Variants in TSPEAR observed in about 807,000 individuals in gnomAD.
The protein encoded by TSPEAR is thrombospondin type laminin G domain and EAR repeats.
TSPEAR carries 69 observed loss-of-function variants against 71.6 expected under a neutral mutation model. The observed-to-expected ratio is 0.96, with a 90% CI of 0.79 to 1.18. The LOEUF (loss-of-function observed/expected upper bound fraction) is 1.18, where lower values mean the gene tolerates loss of function less well. Ranked by LOEUF, TSPEAR falls within the 50% of genes most tolerant of loss-of-function variation. The pLI is 0.00. For synonymous variants in TSPEAR, 402 were observed against 387.2 expected (o/e 1.04, Z -0.45); for missense variants, 971 against 894.9 (o/e 1.09, Z -1.09).
chr21:44,672,043 T>G (rs1156374118), intron 1 of TSPEAR, among the ~76,000 whole-genome samples: 5 of 152,028 alleles, frequency 3.3e-5, no homozygotes, highest in African/African-American at 1.2e-4. Context: ...AAATGAATAA[T>G]TCAATACATG....
chr21:44,619,276 G>GT (rs1982300361), intron 1 of TSPEAR, among the ~76,000 whole-genome samples: 1 of 152,230 alleles, frequency 6.6e-6, no homozygotes, highest in Admixed American at 6.5e-5. Flanking sequence ...TAATAGAACA[G>GT]TGAGCACACA....
In TSPEAR at chr21:44,687,294, G is replaced by A. The variant is rs1264344017; in HGVS notation, c.82+24139C>T. ...GCTCCCAGTGACACACTGGGCGCCT[G>A]GTGATTACTCAGCTTCTGGGTGCTG... On this transcript the variant is annotated intron_variant, in intron 1 of 11. Coordinates refer to ENST00000323084, the MANE Select transcript of TSPEAR (RefSeq NM_144991.3). The surrounding 1 kb of genome is among the most constrained non-coding windows in gnomAD (Gnocchi z 4.4). Among the ~76,000 whole-genome samples the A allele has an allele frequency of 6.6e-6, 1 of 152,160 alleles. No individual in the cohort carries two copies. Among genetic ancestry groups the A allele is most frequent in the Admixed American group, 6.5e-5 (1 of 15,284 alleles).
At chr21:44,656,948 AC>A (rs1376475706) in intron 1 of TSPEAR, among the ~76,000 whole-genome samples, 2 of 151,192 alleles carry the variant, frequency 1.3e-5, no homozygotes, top group African/African-American at 2.4e-5. Context: ...CAAATCCCAG[AC>A]CCCCCCAGCA....
chr21:44,629,359 C>A (rs1983118203), intron 1 of TSPEAR, among the ~76,000 whole-genome samples: 1 of 152,152 alleles, frequency 6.6e-6, no homozygotes, highest in Admixed American at 6.5e-5. Context: ...CCAGGTGTGG[C>A]AGGGCTGGTT....
Position 44,612,171 on chromosome 21 carries a change from T to C in TSPEAR, c.83-44166A>G, listed in dbSNP as rs891109559. ...ACCATGTCTGTCTGCTCCAGTGACG[T>C]GGGCCATGTCAGCCGAGTCTCCTCC... On this transcript the variant is annotated intron_variant, in intron 1 of 11. Coordinates refer to ENST00000323084, the MANE Select transcript of TSPEAR (RefSeq NM_144991.3). This position sits in a 1 kb window ranked among gnomAD's most constrained non-coding sequence, Gnocchi z 4.1. 1.2e-5 allele frequency: 19 copies of C among 1,613,956 alleles called. No individual in the cohort carries two copies. The highest frequency in any genetic ancestry group is 4.0e-5 in the African/African-American group (3 of 74,902).
At chr21:44,568,073 A>T (rs1425766155) in intron 1 of TSPEAR, 68 bp from the exon 2 acceptor site, 1 of 1,263,144 alleles carries the variant, frequency 7.9e-7, no homozygotes, top group African/African-American at 1.5e-5. Context: ...ATAACAGCCA[A>T]CATGTATGGG....
At chr21:44,658,852 C>T (rs116756757) in intron 1 of TSPEAR, among the ~76,000 whole-genome samples, 1,592 of 152,106 alleles carry the variant, frequency 0.01, 38 homozygotes, top group African/African-American at 0.036. Flanking sequence ...CCAGATGGAG[C>T]GTGTTGGGGG....
At chr21:44,568,561 A>T (rs1394627329) in intron 1 of TSPEAR, among the ~76,000 whole-genome samples, 1 of 152,018 alleles carries the variant, frequency 6.6e-6, no homozygotes, top group Non-Finnish European at 1.5e-5. Flanking sequence ...GGAACCTGGG[A>T]TTCAAAGTTG....
Position 44,687,013 on chromosome 21 carries a change from G to C in TSPEAR, c.82+24420C>G, listed in dbSNP as rs374414990. On this transcript the variant is annotated intron_variant, in intron 1 of 11. Transcript: ENST00000323084. This position sits in a 1 kb window ranked among gnomAD's most constrained non-coding sequence, Gnocchi z 4.4. ...GTGGCTGAAGCTGCTGAGTCCAAAG[G>C]GGGTGTCTCCTTCCCAGTAGTTTCA... Among the ~76,000 whole-genome samples the C allele has an allele frequency of 9.9e-5, 15 of 152,144 alleles. No individual in the cohort carries two copies. The East Asian group carries it at 2.1e-3, about 21-fold the overall frequency.
In TSPEAR at chr21:44,567,957, G is replaced by C. The variant is rs145231394; in HGVS notation, c.131C>G (p.Ala44Gly). The stretch of plus-strand genomic sequence containing the variant: ...CTGAACTATCCTGATCCCGCTTGTG[G>C]CGCCATCAGAAGGGACCACTTCCGC... ...ILAEVVPSDG[A>G]TSGIRIVQVH... is the part of the protein sequence containing the mutation. The change falls in exon 2 of 12, where the codon GCC becomes GGC. Residue 44 changes from alanine to glycine, a missense_variant. By Grantham distance (60) the Ala-to-Gly change is moderately conservative. Transcript: ENST00000323084. 1.4e-5 allele frequency: 22 copies of C among 1,576,658 alleles called. No individual in the cohort carries two copies. The African/African-American group carries it at 3.0e-4, about 21-fold the overall frequency.
At chr21:44,697,587 C>A (rs1260385836) in intron 1 of TSPEAR, 4 of 1,613,802 alleles carry the variant, frequency 2.5e-6, no homozygotes, top group Non-Finnish European at 3.4e-6. Context: ...GGGCCTTCTT[C>A]TTCATGCTGC....
At chr21:44,648,617 G>A (rs587619140) in intron 1 of TSPEAR, among the ~76,000 whole-genome samples, 45 of 152,340 alleles carry the variant, frequency 3.0e-4, no homozygotes, top group Non-Finnish European at 5.3e-4. Context: ...GGGAGCCTAA[G>A]GCACAGGGGA....
chr21:44,659,610 A>G (rs1985380429), intron 1 of TSPEAR, among the ~76,000 whole-genome samples: 2 of 152,218 alleles, frequency 1.3e-5, no homozygotes, highest in Admixed American at 1.3e-4. Flanking sequence ...AGACAAAGAA[A>G]TCAATAAAAC....
chr21:44,638,686 G>A lies in TSPEAR; in HGVS notation c.83-70681C>T, dbSNP rs369928209. Among the ~76,000 whole-genome samples the A allele has an allele frequency of 2.2e-4, 34 of 151,966 alleles. 1 individual carries two copies. The East Asian group carries it at 5.4e-3, about 24-fold the overall frequency. On this transcript the variant is annotated intron_variant, in intron 1 of 11. Transcript: ENST00000323084. ...GAAGGCCAGTCTCCCTCTTAGCCCC[G>A]TGGGCCCCCAACCCCAGCACGTGGC...
rs944974394 is a variant in TSPEAR, at chr21:44,642,394, C to T, written c.82+69039G>A. On this transcript the variant is annotated intron_variant, in intron 1 of 11. Transcript: ENST00000323084. This position sits in a 1 kb window ranked among gnomAD's most constrained non-coding sequence, Gnocchi z 4.1. The stretch of plus-strand genomic sequence containing the variant: ...ATTCCTCTAGTAAGACTGGTGACAT[C>T]CTGATGCCAAAACCAGGAATAACAG... Among the ~76,000 whole-genome samples the T allele has an allele frequency of 6.6e-6, 1 of 152,112 alleles. No homozygotes were observed. Among genetic ancestry groups the T allele is most frequent in the Non-Finnish European group, 1.5e-5 (1 of 68,022 alleles).
intron 1 of TSPEAR, among the ~76,000 whole-genome samples, chr21:44,664,514 C>G (rs1214348151): frequency 2.0e-5 from 3 of 152,130 alleles, no homozygotes; most frequent in Non-Finnish European, 1.5e-5. Context: ...TCAATACACT[C>G]CCAATCAAAA....
rs587643359 is a variant in TSPEAR at position 44,581,424 on chromosome 21, C to CA, written c.83-13420dup. Among the ~76,000 whole-genome samples the CA allele has an allele frequency of 9.9e-5, 15 of 152,206 alleles. No homozygotes were observed. The East Asian group carries it at 2.1e-3, about 21-fold the overall frequency. On this transcript the variant is annotated intron_variant, in intron 1 of 11. Transcript: ENST00000323084. The stretch of plus-strand genomic sequence containing the variant: ...TCAGAATTATTATTATAAATAATAA[C>CA]AAAAAATCTGTTTTCTCAAAATGAT...
chr21:44,527,997 C>T (rs1464793494), intron 6 of TSPEAR, among the ~76,000 whole-genome samples: 1 of 152,114 alleles, frequency 6.6e-6, no homozygotes, highest in Non-Finnish European at 1.5e-5. Context: ...TCTGATCTAG[C>T]AGACAGGGAG....
intron 1 of TSPEAR, among the ~76,000 whole-genome samples, chr21:44,701,538 C>T (rs1343333004): frequency 6.6e-6 from 1 of 152,100 alleles, no homozygotes; most frequent in Non-Finnish European, 1.5e-5. Flanking sequence ...GAGCCCTGAG[C>T]TTGTTTTCCT....
Sources: allele counts gnomAD v4.1 joint callset (sites outside exome capture counted in the v4.1 genomes callset), GRCh38; gene constraint gnomAD v4.1.1; non-coding constraint Gnocchi (gnomAD v3.1); transcripts MANE v1.5; gene names NCBI Gene and HGNC (gene_info 2026-07-23, HGNC 2026-07-21).